The following RFX1 variants were observed in gnomAD, a reference collection of about 807,000 sequenced individuals.
RFX1 encodes MHC class II regulatory factor RFX1.
RFX1 carries 42 observed loss-of-function variants against 119.6 expected under a neutral mutation model. The observed-to-expected ratio is 0.35, with a 90% CI of 0.27 to 0.45. The LOEUF is 0.45. RFX1 is among the 20% of genes least tolerant of loss of function. RFX1 has a pLI of 1.00. For synonymous variants in RFX1, 628 were observed against 618.5 expected, an observed-to-expected ratio of 1.02 and a Z score of -0.23; for missense variants, 1,118 against 1,368.1, an observed-to-expected ratio of 0.82 and a Z score of 2.88.
intron 8 of RFX1, among the ~76,000 whole-genome samples, chr19:13,976,814 G>C (rs1223778365): frequency 6.6e-6 from 1 of 151,744 alleles, no homozygotes; most frequent in Non-Finnish European, 1.5e-5. Context: ...GATGAGCCTG[G>C]GCAACGTGGC....
chr19:13,962,890 T>C, intron 20 of RFX1, 26 bp from the exon 21 acceptor site: 2 of 1,534,696 alleles, frequency 1.3e-6, no homozygotes, highest in Non-Finnish European at 1.8e-6. Context: ...CAAGTCCGGC[T>C]CGGGGCGGGG....
At position 13,966,567 on chromosome 19, in the gene RFX1, C is replaced by G. The variant is rs759426177; in HGVS notation, c.1852-37G>C. 6.6e-7 allele frequency: 1 copy of G among 1,522,984 alleles called. No individual in the cohort carries two copies. The highest frequency in any genetic ancestry group is 8.9e-7 in the Non-Finnish European group (1 of 1,118,336). The allele number at this position is 1,522,984 out of a possible 1,614,324, so 94.3% of individuals were successfully genotyped here. A position where few individuals can be genotyped will look rare whatever the true frequency, so the allele number is the denominator to read the frequency against. ...GCGGATGCTCAGGGAGGCTGGGGGGCAGCATGGCCCTCCCATGCCCGTGGC... is the reference window on the plus strand; with the variant it reads ...GCGGATGCTCAGGGAGGCTGGGGGGGAGCATGGCCCTCCCATGCCCGTGGC... On this transcript the variant is annotated intron_variant, in intron 13 of 20. Coordinates refer to ENST00000254325, the MANE Select transcript of RFX1 (RefSeq NM_002918.5). The surrounding 1 kb of genome is among the most constrained non-coding windows in gnomAD (Gnocchi z 6.3).
intron 2 of RFX1, among the ~76,000 whole-genome samples, chr19:13,989,510 A>G (rs1199312224): frequency 6.6e-6 from 1 of 151,960 alleles, no homozygotes; most frequent in Admixed American, 6.6e-5. Flanking sequence ...AGCTGGGATT[A>G]CGGCGCCCAC....
rs1043558341 is a variant in RFX1, at chr19:13,962,290, A to G, written c.*405T>C. The G allele has an allele frequency of 5.8e-5, 12 of 206,314 alleles. No homozygotes were observed. Among genetic ancestry groups the G allele is most frequent in the Admixed American group, 4.6e-4 (8 of 17,560 alleles). 12.8% of individuals were successfully genotyped at this position (206,314 alleles called of 1,614,324 possible). On this transcript the variant is annotated 3_prime_UTR_variant, in exon 21 of 21. Coordinates refer to ENST00000254325, the MANE Select transcript of RFX1 (RefSeq NM_002918.5). ...CGGCCCGGGGCTCAGGGCTGGGCCC[A>G]GGACAGGCTGTGCAAAGCCAGCGAG... is the stretch of plus-strand genomic sequence containing the variant.
chr19:13,975,121 C>T (rs894898375), intron 8 of RFX1, among the ~76,000 whole-genome samples: 7 of 151,106 alleles, frequency 4.6e-5, no homozygotes, highest in African/African-American at 1.7e-4. Flanking sequence ...TCTGGGAGGC[C>T]AAGGCGGGTG....
At position 13,980,167 on chromosome 19, in the gene RFX1, G is replaced by A. The variant is rs535259806; in HGVS notation, c.738+406C>T. On this transcript the variant is annotated intron_variant, in intron 6 of 20. Coordinates refer to ENST00000254325, the MANE Select transcript of RFX1 (RefSeq NM_002918.5). This position sits in a 1 kb window ranked among gnomAD's most constrained non-coding sequence, Gnocchi z 5.1. ...CAGCCCCAGCATCTTAACCTGCGCC[G>A]GCTCAGGGCTCTGCCTCCTGCAGAG... Among the ~76,000 whole-genome samples, 19 of 152,276 alleles carry A rather than the reference G, an allele frequency of 1.2e-4. No individual in the cohort carries two copies. Among genetic ancestry groups the A allele is most frequent in the East Asian group, 1.2e-3 (6 of 5,178 alleles).
At chr19:14,003,801 T>C (rs1409451992) in intron 1 of RFX1, among the ~76,000 whole-genome samples, 2 of 152,222 alleles carry the variant, frequency 1.3e-5, no homozygotes, top group South Asian at 2.1e-4. Context: ...ATCACCCTAG[T>C]GTTCTCTTCC....
At chr19:13,967,748 G>A (rs1259475755) in intron 12 of RFX1, among the ~76,000 whole-genome samples, 3 of 152,112 alleles carry the variant, frequency 2.0e-5, no homozygotes, top group Non-Finnish European at 2.9e-5. Flanking sequence ...AAAGTGCTGG[G>A]ATTACAGACA....
rs1345150741 is a variant in RFX1 at position 13,986,607 on chromosome 19, C to A, written c.320-3012G>T. On this transcript the variant is annotated intron_variant, in intron 2 of 20. Transcript: ENST00000254325. This position sits in a 1 kb window ranked among gnomAD's most constrained non-coding sequence, Gnocchi z 4.2. The stretch of plus-strand genomic sequence containing the variant: ...TGAGTCTGCGAGCGAGCGTCTGCAT[C>A]TATCTGCCGGAGATCGCCACTCTGG... Among the ~76,000 whole-genome samples, 2 of 152,176 alleles carry A rather than the reference C, an allele frequency of 1.3e-5. No individual in the cohort carries two copies. The highest frequency in any genetic ancestry group is 2.9e-5 in the Non-Finnish European group (2 of 68,008).
At chr19:13,997,220 C>CG (rs1319541858) in intron 1 of RFX1, among the ~76,000 whole-genome samples, 1 of 152,184 alleles carries the variant, frequency 6.6e-6, no homozygotes, top group Non-Finnish European at 1.5e-5. Context: ...CTCCCTCCCC[C>CG]GGGATCCAGG....
chr19:13,982,099 G>T, intron 5 of RFX1, 22 bp downstream of exon 5: 1 of 1,233,580 alleles, frequency 8.1e-7, no homozygotes, highest in Non-Finnish European at 1.1e-6. Flanking sequence ...GGGGGAGGGC[G>T]GCCAACAGGA....
At chr19:14,004,304 T>A (rs2145651132) in intron 1 of RFX1, among the ~76,000 whole-genome samples, 1 of 152,126 alleles carries the variant, frequency 6.6e-6, no homozygotes, top group African/African-American at 2.4e-5. Context: ...GGTCAAGAGA[T>A]CAAGACCATC....
rs771308474 is a variant in RFX1, at chr19:13,970,074, C to T, written c.1416G>A (p.Leu472=). 1 of 1,614,144 alleles carries T rather than the reference C, an allele frequency of 6.2e-7. No homozygotes were observed. Among genetic ancestry groups the T allele is most frequent in the South Asian group, 1.1e-5 (1 of 91,084 alleles). Residue 472 remains leucine (L), a synonymous_variant, in exon 10 of 21, where the codon CTG becomes CTA. Coordinates refer to ENST00000254325, the MANE Select transcript of RFX1 (RefSeq NM_002918.5). The part of the protein sequence containing the change: ...HYLLHCQEQK[L]EPVNAASFGK... The stretch of plus-strand genomic sequence containing the variant: ...CGAAGGAGGCGGCGTTGACGGGCTC[C>T]AGCTTCTGCTCCTGGCAGTGCAGTA...
At chr19:13,976,527 G>C (rs1411047886) in intron 8 of RFX1, among the ~76,000 whole-genome samples, 1 of 152,222 alleles carries the variant, frequency 6.6e-6, no homozygotes, top group Admixed American at 6.5e-5. Flanking sequence ...ACCCAGGGAG[G>C]GGAAGAAGCC....
Position 13,973,106 on chromosome 19 carries a change from A to G in RFX1, c.951T>C (p.Tyr317=), listed in dbSNP as rs1599484897. The stretch of plus-strand genomic sequence containing the variant: ...TCTGCGTGTACAGCGGCGTCTCGGG[A>G]TAGGAGTAGGTGCTGGAACGGCTGG... ...ASAIRSSTYS[Y]PETPLYTQTA... is the part of the protein sequence containing the mutation. Residue 317 remains tyrosine, a synonymous_variant, in exon 9 of 21, where the codon TAT becomes TAC. Transcript: ENST00000254325. 1 of 1,597,448 alleles carries G rather than the reference A, an allele frequency of 6.3e-7. No homozygotes were observed. The highest frequency in any genetic ancestry group is 2.2e-5 in the East Asian group (1 of 44,642).
In RFX1 at chr19:13,983,684, G is replaced by A. The variant is rs1160587402; in HGVS notation, c.320-89C>T. 4.9e-5 allele frequency: 54 copies of A among 1,111,770 alleles called. No homozygotes were observed. In the East Asian group the frequency reaches 1.4e-3, roughly 28 times the overall value. The allele number at this position is 1,111,770 out of a possible 1,614,324, so 68.9% of individuals were successfully genotyped here. A position where few individuals can be genotyped will look rare whatever the true frequency, so the allele number is the denominator to read the frequency against. ...CCCCCTGGAGGGGAAGATGCAGCCT[G>A]AAGCCAACCCCCAGCAAGGTCAGGC... On this transcript the variant is annotated intron_variant, in intron 2 of 20. Transcript: ENST00000254325.
chr19:14,000,580 T>G lies in RFX1; in HGVS notation c.-53+5523A>C, dbSNP rs113146885. ...GGGAGTCCAAGATTGGAGGATCACT[T>G]GAGCCCAGGAGTTCAAGACCAGCCT... On this transcript the variant is annotated intron_variant, in intron 1 of 20. Coordinates refer to ENST00000254325, the MANE Select transcript of RFX1 (RefSeq NM_002918.5). Among the ~76,000 whole-genome samples the G allele has an allele frequency of 5.4e-3, 828 of 152,298 alleles. 8 individuals are homozygous for G. Among genetic ancestry groups the G allele is most frequent in the African/African-American group, 0.019 (776 of 41,568 alleles).
chr19:14,003,406 G>GGTATCCAGCTTCCTGGATCCCTGGTA, intron 1 of RFX1, among the ~76,000 whole-genome samples: 1 of 152,048 alleles, frequency 6.6e-6, no homozygotes, highest in African/African-American at 2.4e-5. Context: ...CTGGATCCCT[G>GGTATCCAGCTTCCTGGATCCCTGGTA]TCATCGACCC....
At chr19:13,970,285 GC>G in intron 9 of RFX1, 110 bp from the exon 10 acceptor site, 1 of 886,704 alleles carries the variant, frequency 1.1e-6, no homozygotes, top group Non-Finnish European at 1.7e-6. Context: ...TGACAGCCAC[GC>G]CCACATAAGT....
Sources: gnomAD v4.1 joint callset for allele counts (sites outside exome capture counted in the v4.1 genomes callset) on GRCh38, gnomAD v4.1.1 for gene constraint, Gnocchi (gnomAD v3.1) non-coding constraint, MANE v1.5 for transcripts, NCBI Gene and HGNC (gene_info 2026-07-23, HGNC 2026-07-21) for gene names.